The following CDH6 variants were observed in gnomAD, a reference collection of about 807,000 sequenced individuals.
The protein encoded by CDH6 is cadherin-6.
A neutral mutation model predicts 78.0 loss-of-function variants in CDH6; 31 were observed. The observed-to-expected ratio is 0.40, with a 90% CI of 0.30 to 0.54. The LOEUF is 0.54. CDH6 is among the 20% of genes least tolerant of loss of function. CDH6 has a pLI of 0.56. For synonymous variants in CDH6, 376 were observed against 368.8 expected, an observed-to-expected ratio of 1.02 and a Z score of -0.23; for missense variants, 724 against 975.9, an observed-to-expected ratio of 0.74 and a Z score of 3.44.
At chr5:31,262,096 G>A (rs539754617) in intron 1 of CDH6, among the ~76,000 whole-genome samples, 5 of 152,124 alleles carry the variant, frequency 3.3e-5, no homozygotes, top group African/African-American at 9.7e-5. Flanking sequence ...AAAAGAAAAC[G>A]TCAGCCCAGC....
rs563911793 is a variant in CDH6, at chr5:31,215,434, G to A, written c.-129+21548G>A. On this transcript the variant is annotated intron_variant, in intron 1 of 11. Coordinates refer to ENST00000265071, the MANE Select transcript of CDH6 (RefSeq NM_004932.4). ...AGTTCTACCATGTAAAATAATTGCT[G>A]ACTGGAGCAAATCAATGCTTTGAAG... 4.6e-5 allele frequency among the ~76,000 whole-genome samples: 7 copies of A among 152,266 alleles called. No homozygotes were observed. The South Asian group carries it at 1.4e-3, about 32-fold the overall frequency.
intron 2 of CDH6, among the ~76,000 whole-genome samples, chr5:31,281,539 G>T (rs1354355065): frequency 6.6e-6 from 1 of 152,186 alleles, no homozygotes; most frequent in East Asian, 1.9e-4. Flanking sequence ...AGCAGGAGCT[G>T]AGACTAATGT....
At chr5:31,222,337 G>A (rs1436773124) in intron 1 of CDH6, among the ~76,000 whole-genome samples, 1 of 152,112 alleles carries the variant, frequency 6.6e-6, no homozygotes, top group Admixed American at 6.5e-5. Context: ...CAGGTATAAA[G>A]TTTGCCCTGC....
Position 31,216,218 on chromosome 5 carries a change from C to A in CDH6, c.-129+22332C>A, listed in dbSNP as rs140894127. On this transcript the variant is annotated intron_variant, in intron 1 of 11. Coordinates refer to ENST00000265071, the MANE Select transcript of CDH6 (RefSeq NM_004932.4). ...TAAGAAGTTTGCTTGCAATCTAATG[C>A]TTATTTTGTCAATTCAGTTGCACGT... is the stretch of plus-strand genomic sequence containing the variant. Among the ~76,000 whole-genome samples the A allele has an allele frequency of 6.5e-3, 990 of 151,906 alleles. 9 individuals carry two copies. Among genetic ancestry groups the A allele is most frequent in the Middle Eastern group, 0.01 (3 of 292 alleles).
Position 31,323,772 on chromosome 5 carries a change from G to A in CDH6, c.*464G>A. On this transcript the variant is annotated 3_prime_UTR_variant, in exon 12 of 12. Coordinates refer to ENST00000265071, the MANE Select transcript of CDH6 (RefSeq NM_004932.4). ...ACAAAGAGATAAACTACATAGGGGT[G>A]TTTATTTGTGTCACAAAGAATTTAA... 4.3e-6 allele frequency: 1 copy of A among 232,340 alleles called. No homozygotes were observed. The highest frequency in any genetic ancestry group is 5.6e-5 in the Admixed American group (1 of 17,902). 14.4% of individuals were successfully genotyped at this position (232,340 alleles called of 1,614,324 possible). A position where few individuals can be genotyped will look rare whatever the true frequency, so the allele number is the denominator to read the frequency against.
chr5:31,275,901 T>C (rs569789108), intron 2 of CDH6, among the ~76,000 whole-genome samples: 8 of 152,306 alleles, frequency 5.3e-5, no homozygotes, highest in African/African-American at 1.9e-4. Context: ...TAAAATGTCT[T>C]CCTTATGTTC....
At chr5:31,202,991 C>T (rs2111779463) in intron 1 of CDH6, among the ~76,000 whole-genome samples, 1 of 152,002 alleles carries the variant, frequency 6.6e-6, no homozygotes, top group African/African-American at 2.4e-5. Flanking sequence ...ATAAAATCTA[C>T]CTTGACTGTT....
intron 2 of CDH6, among the ~76,000 whole-genome samples, chr5:31,287,526 A>G (rs1445421912): frequency 6.6e-6 from 1 of 152,192 alleles, no homozygotes; most frequent in Non-Finnish European, 1.5e-5. Context: ...ATTAAGTATT[A>G]TTATTATTCC....
intron 2 of CDH6, among the ~76,000 whole-genome samples, chr5:31,288,977 T>G (rs150229043): frequency 6.6e-6 from 1 of 152,156 alleles, no homozygotes; most frequent in East Asian, 1.9e-4. Context: ...GGGGTTCTTT[T>G]ATTTAATTTT....
chr5:31,252,325 T>TG (rs201917883), intron 1 of CDH6, among the ~76,000 whole-genome samples: 4,154 of 114,364 alleles, frequency 0.036, 86 homozygotes, highest in Admixed American at 0.054. Flanking sequence ...ATTATGTGTG[T>TG]GTGGTGTGTG....
At chr5:31,259,722 G>T (rs540223819) in intron 1 of CDH6, among the ~76,000 whole-genome samples, 2 of 152,312 alleles carry the variant, frequency 1.3e-5, no homozygotes, top group African/African-American at 4.8e-5. Flanking sequence ...TTGTTCGCAT[G>T]AGTAAATCTT....
chr5:31,302,774 A>AG (rs1737810947), intron 6 of CDH6, among the ~76,000 whole-genome samples: 1 of 16,386 alleles, frequency 6.1e-5, no homozygotes, highest in East Asian at 1.9e-3. Context: ...AGAAAGAAAG[A>AG]AGAAAGAGAG....
chr5:31,290,234 T>C (rs974400788), intron 2 of CDH6, among the ~76,000 whole-genome samples: 4 of 152,200 alleles, frequency 2.6e-5, no homozygotes, highest in African/African-American at 9.7e-5. Context: ...CACTCCAGCC[T>C]GGGCAACAGA....
At chr5:31,248,727 GCA>G (rs746979626) in intron 1 of CDH6, among the ~76,000 whole-genome samples, 5 of 149,026 alleles carry the variant, frequency 3.4e-5, no homozygotes, top group South Asian at 2.1e-4. Context: ...AGCAAAACAT[GCA>G]CACACACACA....
chr5:31,297,501 A>G (rs1737643396), intron 4 of CDH6, 93 bp downstream of exon 4: 1 of 953,456 alleles, frequency 1.0e-6, no homozygotes, highest in Non-Finnish European at 1.5e-6. Context: ...AATCAATGTG[A>G]TTGGATTTTC....
At chr5:31,232,108 T>G (rs562553966) in intron 1 of CDH6, among the ~76,000 whole-genome samples, 1 of 152,310 alleles carries the variant, frequency 6.6e-6, no homozygotes, top group South Asian at 2.1e-4. Context: ...TTACACTACT[T>G]TGTTTCTCAC....
rs765004782 is a variant in CDH6 at position 31,324,429 on chromosome 5, A to G, written c.*1121A>G. The G allele has an allele frequency of 4.7e-6, 1 of 214,608 alleles. No homozygotes were observed. Among genetic ancestry groups the G allele is most frequent in the Non-Finnish European group, 9.4e-6 (1 of 106,400 alleles). The allele number at this position is 214,608 out of a possible 1,614,324, so 13.3% of individuals were successfully genotyped here. On this transcript the variant is annotated 3_prime_UTR_variant, in exon 12 of 12. Transcript: ENST00000265071. Reference sequence around the variant, plus strand: ...GCCCTTGACATCTGGAAACCTCTACATATTTATATAACGTGATACATTTGG... The same window carrying G: ...GCCCTTGACATCTGGAAACCTCTACGTATTTATATAACGTGATACATTTGG...
intron 1 of CDH6, among the ~76,000 whole-genome samples, chr5:31,235,236 C>CTTTTTTTTTTTTTTTTTTTTTT (rs543675071): frequency 4.5e-5 from 5 of 110,646 alleles, no homozygotes; most frequent in African/African-American, 1.0e-4. Flanking sequence ...ATTCCTTTTT[C>CTTTTTTTTTTTTTTTTTTTTTT]TTTTTTTTTT....
intron 5 of CDH6, among the ~76,000 whole-genome samples, chr5:31,299,914 C>T (rs909455896): frequency 2.6e-5 from 4 of 152,194 alleles, no homozygotes; most frequent in African/African-American, 9.6e-5. Context: ...CATAAATCTG[C>T]TCATGCAGAA....
Sources: allele counts gnomAD v4.1 joint callset (sites outside exome capture counted in the v4.1 genomes callset), GRCh38; gene constraint gnomAD v4.1.1; transcripts MANE v1.5; gene names NCBI Gene and HGNC (gene_info 2026-07-23, HGNC 2026-07-21).